The following TBC1D14 variants were observed in gnomAD, a reference collection of about 807,000 sequenced individuals.
TBC1D14 encodes TBC1 domain family member 14.
In TBC1D14, 26 loss-of-function variants were observed where a neutral mutation model predicts 79.0. The ratio of observed to expected loss-of-function variants is 0.33; its 90% confidence interval spans 0.24 to 0.46. The LOEUF (loss-of-function observed/expected upper bound fraction) is 0.46, where lower values mean the gene tolerates loss of function less well. TBC1D14 is among the 20% of genes least tolerant of loss of function. The probability of loss-of-function intolerance (pLI) is 1.00; values close to 1 mark genes in which losing one functional copy is unlikely to be tolerated. For synonymous variants in TBC1D14, 394 were observed against 349.9 expected (o/e 1.13, Z -1.40); for missense variants, 769 against 887.6 (o/e 0.87, Z 1.70).
chr4:6,911,551 C>T (rs1362565770), intron 1 of TBC1D14, among the ~76,000 whole-genome samples: 2 of 152,258 alleles, frequency 1.3e-5, no homozygotes, highest in African/African-American at 4.8e-5. Context: ...GGCTTTGCCT[C>T]TCCTGGCTTC....
At position 6,933,316 on chromosome 4, in the gene TBC1D14, T is replaced by C. The variant is rs111931295; in HGVS notation, c.722+9205T>C. ...CCTTCCCCTTCCCCTTCCCCTTCCC[T>C]TTTCTAGAGGCAGAGTCTCGCTTTG... On this transcript the variant is annotated intron_variant, in intron 2 of 13. Transcript: ENST00000409757. Among the ~76,000 whole-genome samples, 124 of 17,960 alleles carry C rather than the reference T, an allele frequency of 6.9e-3. 5 individuals are homozygous for C. Among genetic ancestry groups the C allele is most frequent in the East Asian group, 0.018 (6 of 338 alleles). The allele number at this position is 17,960 out of a possible 152,430, so 11.8% of individuals were successfully genotyped here.
At chr4:7,028,052 T>C (rs936994490) in intron 13 of TBC1D14, among the ~76,000 whole-genome samples, 17 of 111,448 alleles carry the variant, frequency 1.5e-4, no homozygotes, top group Non-Finnish European at 2.8e-4. Context: ...CACCTACACA[T>C]TGCATACCCA....
intron 3 of TBC1D14, among the ~76,000 whole-genome samples, chr4:6,993,070 T>A (rs1265522579): frequency 2.0e-5 from 3 of 152,190 alleles, no homozygotes; most frequent in Non-Finnish European, 4.4e-5. Flanking sequence ...GCCGCATAAT[T>A]TCACCAGTAA....
chr4:7,022,869 G>T (rs368514480), intron 12 of TBC1D14, among the ~76,000 whole-genome samples: 2 of 151,908 alleles, frequency 1.3e-5, no homozygotes, highest in Admixed American at 6.6e-5. Flanking sequence ...TTTGGGCTTG[G>T]GGGGGTACAT....
intron 10 of TBC1D14, 37 bp from the exon 11 acceptor site, chr4:7,010,616 C>T (rs374265003): frequency 6.2e-7 from 1 of 1,602,076 alleles, no homozygotes; most frequent in Non-Finnish European, 8.5e-7. Flanking sequence ...ACCCTGTGGC[C>T]ACTGTGATTT....
At chr4:6,912,062 A>G (rs1026099802) in intron 1 of TBC1D14, among the ~76,000 whole-genome samples, 2 of 152,146 alleles carry the variant, frequency 1.3e-5, no homozygotes, top group Admixed American at 6.5e-5. Flanking sequence ...ACGCACCACC[A>G]TGGCCAGCTT....
intron 2 of TBC1D14, among the ~76,000 whole-genome samples, chr4:6,960,963 A>G (rs1275051189): frequency 1.3e-5 from 2 of 152,192 alleles, no homozygotes; most frequent in African/African-American, 4.8e-5. Flanking sequence ...CTTTTGTCCC[A>G]GTTAAATGTG....
intron 2 of TBC1D14, among the ~76,000 whole-genome samples, chr4:6,961,923 G>A (rs1715239619): frequency 6.6e-6 from 1 of 152,218 alleles, no homozygotes; most frequent in African/African-American, 2.4e-5. Context: ...TACGACTCCT[G>A]TTTCTGTTGT....
intron 2 of TBC1D14, among the ~76,000 whole-genome samples, chr4:6,929,519 A>AGGTG: frequency 6.6e-6 from 1 of 152,054 alleles, no homozygotes; most frequent in South Asian, 2.1e-4. Context: ...CTGAGGGTGG[A>AGGTG]GGTGGTGAGG....
intron 5 of TBC1D14, among the ~76,000 whole-genome samples, chr4:6,998,595 G>A (rs1280693559): frequency 1.3e-5 from 2 of 151,434 alleles, no homozygotes; most frequent in Non-Finnish European, 2.9e-5. Flanking sequence ...CTGAAGTGCA[G>A]TGGTGCTATC....
At chr4:6,950,032 T>TA (rs1431418764) in intron 2 of TBC1D14, among the ~76,000 whole-genome samples, 1 of 152,162 alleles carries the variant, frequency 6.6e-6, no homozygotes, top group Non-Finnish European at 1.5e-5. Flanking sequence ...CCACATGCAT[T>TA]AGGCATTTGT....
At chr4:6,961,518 A>G (rs1303222851) in intron 2 of TBC1D14, among the ~76,000 whole-genome samples, 1 of 151,958 alleles carries the variant, frequency 6.6e-6, no homozygotes, top group East Asian at 1.9e-4. Flanking sequence ...GTGCATGGCC[A>G]GGCTGAACCC....
chr4:6,958,118 G>A (rs994645058), intron 2 of TBC1D14, among the ~76,000 whole-genome samples: 1 of 152,136 alleles, frequency 6.6e-6, no homozygotes, highest in Admixed American at 6.5e-5. Context: ...TGCCTACTGT[G>A]CTCTGTGTCC....
intron 2 of TBC1D14, among the ~76,000 whole-genome samples, chr4:6,936,231 G>A (rs1484835825): frequency 6.6e-6 from 1 of 152,178 alleles, no homozygotes; most frequent in East Asian, 1.9e-4. Context: ...TTGGACAGGT[G>A]TATAATGACA....
At chr4:6,938,422 C>A (rs1326336180) in intron 2 of TBC1D14, among the ~76,000 whole-genome samples, 1 of 152,152 alleles carries the variant, frequency 6.6e-6, no homozygotes, top group African/African-American at 2.4e-5. Flanking sequence ...GAACAGGGAT[C>A]GTGGTCACAC....
In TBC1D14 at chr4:7,032,194, C is replaced by G. The variant is rs1255153806; in HGVS notation, c.*1802C>G. The G allele has an allele frequency of 1.3e-5, 2 of 152,652 alleles. No homozygotes were observed. The highest frequency in any genetic ancestry group is 1.3e-4 in the Admixed American group (2 of 15,278). 9.5% of individuals were successfully genotyped at this position (152,652 alleles called of 1,614,324 possible). On this transcript the variant is annotated 3_prime_UTR_variant, in exon 14 of 14. Transcript: ENST00000409757. ...GGTGGCCTCCAGACGTAGCCATTTC[C>G]TGACATCAAGATGTTGAATGTAATC...
rs1487847331 is a variant in TBC1D14 at position 7,004,889 on chromosome 4, C to A, written c.1316C>A (p.Ser439Tyr). ...CLARAKERWR[S>Y]LSTGGSEVEN... ...GCCCGAGCCAAGGAGAGGTGGCGGT[C>A]CCTTAGCACAGGAGGCTCTGAAGTG... The change falls in exon 8 of 14, where the codon TCC becomes TAC. Residue 439 changes from serine to tyrosine, a missense_variant. Ser to Tyr is a moderately radical substitution (Grantham distance 144). Transcript: ENST00000409757. 1 of 1,614,056 alleles carries A rather than the reference C, an allele frequency of 6.2e-7. No homozygotes were observed. Among genetic ancestry groups the A allele is most frequent in the African/African-American group, 1.3e-5 (1 of 75,002 alleles).
At chr4:6,945,415 G>A (rs950536280) in intron 2 of TBC1D14, among the ~76,000 whole-genome samples, 5 of 152,100 alleles carry the variant, frequency 3.3e-5, no homozygotes, top group Admixed American at 6.6e-5. Context: ...CACTGTCCAC[G>A]GAAAGGGCTG....
At chr4:7,001,341 T>C (rs1174365463) in intron 7 of TBC1D14, 90 bp downstream of exon 7, 4 of 1,064,660 alleles carry the variant, frequency 3.8e-6, no homozygotes, top group Non-Finnish European at 5.6e-6. Context: ...ATGGCAGCCA[T>C]TGCCACGAAT....
Sources: allele counts gnomAD v4.1 joint callset (sites outside exome capture counted in the v4.1 genomes callset), GRCh38; gene constraint gnomAD v4.1.1; transcripts MANE v1.5; gene names NCBI Gene and HGNC (gene_info 2026-07-23, HGNC 2026-07-21).